The following XPO1 variants were observed in gnomAD, a reference collection of about 807,000 sequenced individuals.
The protein encoded by XPO1 is exportin 1, also known as exportin-1.
A neutral mutation model predicts 133.3 loss-of-function variants in XPO1; 5 were observed. The observed-to-expected ratio is 0.04, with a 90% confidence interval of 0.02 to 0.08. The LOEUF (loss-of-function observed/expected upper bound fraction) is 0.08, where lower values mean the gene tolerates loss of function less well. Ranked by LOEUF, XPO1 falls within the 10% of genes least tolerant of loss-of-function variation. The probability of loss-of-function intolerance (pLI) is 1.00; values close to 1 mark genes in which losing one functional copy is unlikely to be tolerated. For missense variants in XPO1, 506 were observed against 1,267.5 expected, an observed-to-expected ratio of 0.40 and a Z score of 9.12; for synonymous variants, 419 against 408.2, an observed-to-expected ratio of 1.03 and a Z score of -0.32.
At chr2:61,523,876 C>T (rs759471072) in intron 3 of XPO1, among the ~76,000 whole-genome samples, 1 of 152,106 alleles carries the variant, frequency 6.6e-6, no homozygotes, top group Non-Finnish European at 1.5e-5. Flanking sequence ...AACTAAAGTA[C>T]TACATTTGCA....
At chr2:61,516,660 C>T (rs1048328742) in intron 4 of XPO1, among the ~76,000 whole-genome samples, 2 of 151,900 alleles carry the variant, frequency 1.3e-5, no homozygotes, top group Non-Finnish European at 2.9e-5. Flanking sequence ...GTGATCTGCC[C>T]GCCTCAGCCT....
In XPO1 at chr2:61,488,779, G is replaced by A. The variant is rs577676455; in HGVS notation, c.2023-8C>T. On this transcript the variant is annotated splice_region_variant and splice_polypyrimidine_tract_variant and intron_variant, in intron 17 of 24. Coordinates refer to ENST00000401558, the MANE Select transcript of XPO1 (RefSeq NM_003400.4). ...TTTCAGTATATCCACATTCTTGGAG[G>A]AAAAAAAGCAAATTCCATTTATCAT... is the stretch of plus-strand genomic sequence containing the variant. 43 of 1,608,290 alleles carry A rather than the reference G, an allele frequency of 2.7e-5. No homozygotes were observed. In the South Asian group the frequency reaches 3.6e-4, roughly 14 times the overall value.
intron 16 of XPO1, among the ~76,000 whole-genome samples, chr2:61,490,993 A>G (rs1306348671): frequency 1.3e-5 from 2 of 152,148 alleles, no homozygotes; most frequent in Non-Finnish European, 2.9e-5. Flanking sequence ...CATCTCTTCT[A>G]CAAATACAAA....
intron 11 of XPO1, among the ~76,000 whole-genome samples, 196 bp downstream of exon 11, chr2:61,495,259 C>G (rs1236456568): frequency 2.0e-5 from 3 of 151,778 alleles, no homozygotes; most frequent in African/African-American, 7.3e-5. Context: ...ATTTTTAGTC[C>G]TAGCTTTATG....
intron 2 of XPO1, among the ~76,000 whole-genome samples, chr2:61,527,152 TAAATC>T (rs1188249485): frequency 4.6e-5 from 7 of 151,984 alleles, no homozygotes; most frequent in Non-Finnish European, 7.4e-5. Context: ...TCTCAGCACT[TAAATC>T]AACCAAAAAC....
chr2:61,481,461 AT>A (rs906020406), intron 23 of XPO1, among the ~76,000 whole-genome samples, 180 bp from the exon 24 acceptor site: 1 of 150,804 alleles, frequency 6.6e-6, no homozygotes, highest in African/African-American at 2.4e-5. Context: ...TTAATCAAGA[AT>A]TTTTTTTTAA....
chr2:61,507,594 G>T (rs1288001671), intron 4 of XPO1, among the ~76,000 whole-genome samples: 3 of 151,596 alleles, frequency 2.0e-5, no homozygotes, highest in African/African-American at 7.3e-5. Context: ...ATCAAACAAG[G>T]CAGCCGGGCA....
chr2:61,520,130 T>C (rs1352229991), intron 4 of XPO1, among the ~76,000 whole-genome samples: 2 of 152,172 alleles, frequency 1.3e-5, no homozygotes, highest in Non-Finnish European at 2.9e-5. Flanking sequence ...ATATATATGC[T>C]ATGGTAGTTG....
intron 6 of XPO1, among the ~76,000 whole-genome samples, chr2:61,501,469 C>T (rs972471140): frequency 1.3e-5 from 2 of 151,800 alleles, no homozygotes; most frequent in Non-Finnish European, 2.9e-5. Flanking sequence ...CACCTATAAT[C>T]CCAGCACTTT....
intron 16 of XPO1, among the ~76,000 whole-genome samples, chr2:61,491,459 A>AACACACACAC (rs61072503): frequency 0.03 from 4,320 of 142,936 alleles, 68 homozygotes; most frequent in Middle Eastern, 0.045. Flanking sequence ...TCAAAAAACA[A>AACACACACAC]ACACACACAC....
rs145521512 is a variant in XPO1 at position 61,513,926 on chromosome 2, T to C, written c.301+8685A>G. Among the ~76,000 whole-genome samples, 771 of 152,264 alleles carry C rather than the reference T, an allele frequency of 5.1e-3. 10 individuals are homozygous for C. Among genetic ancestry groups the C allele is most frequent in the African/African-American group, 0.018 (731 of 41,564 alleles). ...GCGGGGCATGGTGGGCTTACACGCC[T>C]GTAATCCTAGCGCTTTGGGAGGCTG... is the stretch of plus-strand genomic sequence containing the variant. On this transcript the variant is annotated intron_variant, in intron 4 of 24. Transcript: ENST00000401558.
intron 3 of XPO1, chr2:61,525,378 G>C: frequency 1.0e-6 from 1 of 990,738 alleles, no homozygotes; most frequent in Non-Finnish European, 1.2e-6. Context: ...ATTAATATCA[G>C]GTAGTGTTAA....
chr2:61,532,164 G>A (rs559287530), intron 2 of XPO1, among the ~76,000 whole-genome samples: 6 of 152,006 alleles, frequency 3.9e-5, no homozygotes, highest in South Asian at 2.1e-4. Flanking sequence ...GTCTCATGCC[G>A]TTGCCCAGGC....
chr2:61,516,445 G>A (rs185960670), intron 4 of XPO1, among the ~76,000 whole-genome samples: 63 of 151,194 alleles, frequency 4.2e-4, no homozygotes, highest in Admixed American at 9.9e-4. Context: ...ACTGAGTTTC[G>A]CTCTTGGTGC....
rs1354245620 is a variant in XPO1, at chr2:61,498,871, A to G, written c.633T>C (p.Phe211=). ...EFSQIFQLCQ[F]VMENSQNAPL... ...TGAAATTAAAAACACTTACCATTAC[A>G]AACTGACACAGTTGAAATATCTGTG... The change falls in exon 8 of 25, where the codon TTT becomes TTC. Residue 211 remains phenylalanine (F), a synonymous_variant. Coordinates refer to ENST00000401558, the MANE Select transcript of XPO1 (RefSeq NM_003400.4). 6.9e-6 allele frequency: 11 copies of G among 1,603,008 alleles called. No individual in the cohort carries two copies. The highest frequency in any genetic ancestry group is 1.3e-5 in the African/African-American group (1 of 74,408).
chr2:61,481,939 C>G (rs1007917612), intron 23 of XPO1, among the ~76,000 whole-genome samples: 1 of 149,728 alleles, frequency 6.7e-6, no homozygotes, highest in Non-Finnish European at 1.5e-5. Context: ...GTTTCACCAT[C>G]TTGGCCAGGC....
intron 19 of XPO1, among the ~76,000 whole-genome samples, chr2:61,486,692 C>G (rs1192432662): frequency 6.6e-6 from 1 of 152,098 alleles, no homozygotes; most frequent in Admixed American, 6.6e-5. Flanking sequence ...TTCCTGACCT[C>G]GTGATCCACC....
intron 4 of XPO1, among the ~76,000 whole-genome samples, chr2:61,518,902 A>G (rs1200050792): frequency 6.6e-6 from 1 of 152,206 alleles, no homozygotes; most frequent in Non-Finnish European, 1.5e-5. Flanking sequence ...TGCTATAAAA[A>G]TATCTTTTGG....
At chr2:61,534,014 C>A in intron 1 of XPO1, 111 bp from the exon 2 acceptor site, 1 of 1,070,676 alleles carries the variant, frequency 9.3e-7, no homozygotes, top group South Asian at 3.2e-5. Context: ...TTAATGAATA[C>A]TTTAGAGACT....
Sources: allele counts gnomAD v4.1 joint callset (sites outside exome capture counted in the v4.1 genomes callset), GRCh38; gene constraint gnomAD v4.1.1; transcripts MANE v1.5; gene names NCBI Gene and HGNC (gene_info 2026-07-23, HGNC 2026-07-21).